Variants in MACROD1 observed in about 807,000 individuals in gnomAD.
MACROD1 encodes ADP-ribose glycohydrolase MACROD1.
A neutral mutation model predicts 41.4 loss-of-function variants in MACROD1; 31 were observed. The observed-to-expected ratio is 0.75, with a 90% CI of 0.56 to 1.01. MACROD1 has a LOEUF of 1.01. Among genes scored for constraint, MACROD1 ranks in the 50% least tolerant of loss-of-function variants. The probability of loss-of-function intolerance (pLI) is 0.00; values close to 1 mark genes in which losing one functional copy is unlikely to be tolerated. For missense variants in MACROD1, 473 were observed against 460.0 expected (o/e 1.03, Z -0.26); for synonymous variants, 252 against 203.4 (o/e 1.24, Z -2.03).
chr11:64,048,933 A>G lies in MACROD1; in HGVS notation c.518-33652T>C, dbSNP rs1454642095. 3.3e-5 allele frequency among the ~76,000 whole-genome samples: 5 copies of G among 151,990 alleles called. 1 individual carries two copies. The highest frequency in any genetic ancestry group is 9.7e-5 in the African/African-American group (4 of 41,386). ...AGCCAGCTCGCCAGACCCTCAAAGCAGTCTGGTGTGAGGGAGAGCCTGTCA... is the reference window on the plus strand; with the variant it reads ...AGCCAGCTCGCCAGACCCTCAAAGCGGTCTGGTGTGAGGGAGAGCCTGTCA... On this transcript the variant is annotated intron_variant, in intron 3 of 10. Coordinates refer to ENST00000255681, the MANE Select transcript of MACROD1 (RefSeq NM_014067.4).
chr11:64,152,267 A>G (rs760057272), intron 2 of MACROD1, 25 bp downstream of exon 2: 1 of 1,608,348 alleles, frequency 6.2e-7, no homozygotes, highest in Non-Finnish European at 8.5e-7. Context: ...CCTGCCCACC[A>G]GGGCCTCCCC....
chr11:64,089,658 G>A (rs1944456018), intron 3 of MACROD1, among the ~76,000 whole-genome samples: 1 of 152,244 alleles, frequency 6.6e-6, no homozygotes, highest in East Asian at 1.9e-4. Flanking sequence ...TCCTGGGGTG[G>A]AGGTGATGCC....
intron 4 of MACROD1, chr11:64,009,070 A>AGGGGTAATTGAAAAAGAGC (rs941904538): frequency 6.6e-6 from 1 of 152,116 alleles, no homozygotes; most frequent in Admixed American, 6.5e-5. Flanking sequence ...GAGAAAGACG[A>AGGGGTAATTGAAAAAGAGC]GGGGTAATTG....
chr11:64,142,832 T>G (rs1945432517), intron 3 of MACROD1, among the ~76,000 whole-genome samples: 1 of 151,822 alleles, frequency 6.6e-6, no homozygotes, highest in South Asian at 2.1e-4. Context: ...AAAGCAAAAC[T>G]GGGCCGGGCA....
rs1162514613 is a variant in MACROD1 at position 64,082,696 on chromosome 11, C to T, written c.518-67415G>A. Among the ~76,000 whole-genome samples the T allele has an allele frequency of 6.6e-6, 1 of 152,142 alleles. No homozygotes were observed. Among genetic ancestry groups the T allele is most frequent in the African/African-American group, 2.4e-5 (1 of 41,418 alleles). ...CCTGTCCTGCTCCACCCTGCAGGCCCCTGGGTCTCACACAAGGAATGTGGA... is the reference window on the plus strand; with the variant it reads ...CCTGTCCTGCTCCACCCTGCAGGCCTCTGGGTCTCACACAAGGAATGTGGA... On this transcript the variant is annotated intron_variant, in intron 3 of 10. Coordinates refer to ENST00000255681, the MANE Select transcript of MACROD1 (RefSeq NM_014067.4). This position sits in a 1 kb window ranked among gnomAD's most constrained non-coding sequence, Gnocchi z 4.5.
chr11:64,118,512 T>C, intron 3 of MACROD1: 1 of 489,350 alleles, frequency 2.0e-6, no homozygotes, highest in Non-Finnish European at 3.6e-6. Context: ...AATTCGACAT[T>C]GTTGAAGACA....
chr11:64,044,774 C>T (rs1010231108), intron 3 of MACROD1, among the ~76,000 whole-genome samples: 2 of 152,164 alleles, frequency 1.3e-5, no homozygotes, highest in East Asian at 1.9e-4. Flanking sequence ...GCTCCCCCCT[C>T]ACCAGACCCC....
intron 4 of MACROD1, among the ~76,000 whole-genome samples, chr11:64,007,517 C>T (rs560726374): frequency 1.3e-5 from 2 of 152,210 alleles, no homozygotes; most frequent in East Asian, 3.9e-4. Flanking sequence ...AACAGGCCGG[C>T]GGGTGAGGCT....
chr11:64,160,004 A>G (rs1945730254), intron 1 of MACROD1, among the ~76,000 whole-genome samples: 1 of 151,976 alleles, frequency 6.6e-6, no homozygotes. Context: ...GTCCAGGGGG[A>G]AGCTGAATTT....
At chr11:64,005,003 G>A (rs917355786) in intron 4 of MACROD1, among the ~76,000 whole-genome samples, 4 of 92,260 alleles carry the variant, frequency 4.3e-5, no homozygotes, top group Non-Finnish European at 7.5e-5. Context: ...GTGAGAGGAG[G>A]AGCAGAAACT....
At chr11:64,077,023 G>A (rs1944214077) in intron 3 of MACROD1, among the ~76,000 whole-genome samples, 1 of 152,120 alleles carries the variant, frequency 6.6e-6, no homozygotes, top group Non-Finnish European at 1.5e-5. Context: ...TGAGCTGTGG[G>A]GAGTAGATGG....
intron 5 of MACROD1, 159 bp downstream of exon 5, chr11:64,000,068 T>A (rs1019918268): frequency 1.5e-6 from 1 of 651,330 alleles, no homozygotes; most frequent in African/African-American, 1.8e-5. Context: ...ATGTGCTTCC[T>A]GGGGTGTGCG....
chr11:64,055,468 G>T (rs530399), intron 3 of MACROD1, among the ~76,000 whole-genome samples: 21,560 of 152,152 alleles, frequency 0.14, 1,904 homozygotes, highest in Non-Finnish European at 0.19. Flanking sequence ...GGGGCCCAGG[G>T]TCTGCTTGTC....
intron 3 of MACROD1, among the ~76,000 whole-genome samples, chr11:64,032,760 G>A (rs1377041515): frequency 6.6e-6 from 1 of 152,136 alleles, no homozygotes; most frequent in Non-Finnish European, 1.5e-5. Flanking sequence ...GGCTCGGCAA[G>A]GGTTTGTTGA....
intron 3 of MACROD1, among the ~76,000 whole-genome samples, chr11:64,028,225 T>A (rs1943247069): frequency 6.6e-6 from 1 of 152,228 alleles, no homozygotes; most frequent in Admixed American, 6.5e-5. Flanking sequence ...TTCCCTGCTG[T>A]CCCCAGCGCC....
intron 3 of MACROD1, among the ~76,000 whole-genome samples, chr11:64,023,894 G>A (rs796351378): frequency 1.2e-4 from 19 of 152,306 alleles, no homozygotes; most frequent in African/African-American, 4.6e-4. Context: ...CGTGGCTGCG[G>A]TTCCAGCTGG....
intron 3 of MACROD1, among the ~76,000 whole-genome samples, chr11:64,139,903 C>T (rs1945387140): frequency 6.6e-6 from 1 of 151,628 alleles, no homozygotes; most frequent in Non-Finnish European, 1.5e-5. Context: ...TTGCAGTGAG[C>T]CGAGATCACG....
intron 3 of MACROD1, among the ~76,000 whole-genome samples, chr11:64,098,051 C>T (rs1944608614): frequency 1.3e-5 from 2 of 152,196 alleles, no homozygotes; most frequent in South Asian, 4.1e-4. Context: ...TACCCCATGT[C>T]CCTGTCCCTG....
rs1331568863 is a variant in MACROD1, at chr11:64,096,502, G to A, written c.517+54737C>T. On this transcript the variant is annotated intron_variant, in intron 3 of 10. Transcript: ENST00000255681. The surrounding 1 kb of genome is among the most constrained non-coding windows in gnomAD (Gnocchi z 4.6). Reference sequence around the variant, plus strand: ...ATGATCTCGGCTCACTGCAACCTCCGCCTTCCGGGTTCAAGCAATTCTCTT... The same window carrying A: ...ATGATCTCGGCTCACTGCAACCTCCACCTTCCGGGTTCAAGCAATTCTCTT... Among the ~76,000 whole-genome samples the A allele has an allele frequency of 2.6e-5, 4 of 151,430 alleles. No homozygotes were observed. Among genetic ancestry groups the A allele is most frequent in the South Asian group, 2.1e-4 (1 of 4,768 alleles).
Sources: allele counts gnomAD v4.1 joint callset (sites outside exome capture counted in the v4.1 genomes callset), GRCh38; gene constraint gnomAD v4.1.1; non-coding constraint Gnocchi (gnomAD v3.1); transcripts MANE v1.5; gene names NCBI Gene and HGNC (gene_info 2026-07-23, HGNC 2026-07-21).